The following GON4L variants were observed in gnomAD, a reference collection of about 807,000 sequenced individuals.
GON4L encodes the protein gon-4 like.
GON4L carries 87 observed loss-of-function variants against 211.8 expected under a neutral mutation model. The ratio of observed to expected loss-of-function variants is 0.41; its 90% CI spans 0.35 to 0.49. The LOEUF (loss-of-function observed/expected upper bound fraction) is 0.49. Among genes scored for constraint, GON4L ranks in the 20% least tolerant of loss-of-function variants. The pLI, the probability that GON4L is intolerant of heterozygous loss-of-function variation, is 0.15. For missense variants in GON4L, 2,155 were observed against 2,659.5 expected (o/e 0.81, Z 4.17); for synonymous variants, 875 against 962.6 (o/e 0.91, Z 1.68).
chr1:155,780,768 G>C (rs1373412396), intron 14 of GON4L, among the ~76,000 whole-genome samples: 1 of 152,066 alleles, frequency 6.6e-6, no homozygotes, highest in East Asian at 1.9e-4. Flanking sequence ...AAGTGATTAA[G>C]CACGTGCTGA....
rs376193653 is a variant in GON4L, at chr1:155,760,542, G to A, written c.5011C>T (p.Leu1671Phe). The A allele has an allele frequency of 1.9e-6, 3 of 1,612,570 alleles. No homozygotes were observed. Among genetic ancestry groups the A allele is most frequent in the Admixed American group, 3.3e-5 (2 of 60,002 alleles). The change falls in exon 24 of 32, where the codon CTC (leucine) becomes TTC (phenylalanine). Residue 1671 changes from leucine (L) to phenylalanine (F), a missense_variant. Leu to Phe is a conservative substitution (Grantham distance 22, BLOSUM62 0). Transcript: ENST00000368331. ...AGCAGAATTTGCAGGCTTTTGTAGA[G>A]ATCTACAGCCGTCCGTCTCTGGGTA... ...SSTQRRTAVDLYKSLQILLQD... is the reference protein window; with the variant it reads ...SSTQRRTAVDFYKSLQILLQD...
intron 19 of GON4L, 126 bp downstream of exon 19, chr1:155,770,941 C>G (rs1467579987): frequency 3.8e-6 from 5 of 1,316,466 alleles, no homozygotes; most frequent in East Asian, 4.6e-5. Context: ...GGGAATTAAT[C>G]TAGTGTAAAG....
At chr1:155,747,741 T>C (rs1222789506), downstream of GON4L, 2 of 1,613,850 alleles carry the variant, frequency 1.2e-6, no homozygotes, top group Admixed American at 1.7e-5. Context: ...TAACTATCTT[T>C]CGTCACTCAC....
chr1:155,854,142 GTGTT>G (rs1672059298), intron 1 of GON4L, among the ~76,000 whole-genome samples: 1 of 151,302 alleles, frequency 6.6e-6, no homozygotes, highest in Admixed American at 6.6e-5. Context: ...GTTTATTTTT[GTGTT>G]TTTTTGTTTT....
chr1:155,812,457 GA>G (rs893779402), intron 10 of GON4L, among the ~76,000 whole-genome samples: 6 of 151,110 alleles, frequency 4.0e-5, no homozygotes, highest in Admixed American at 6.6e-5. Flanking sequence ...GCTGAATAGG[GA>G]AAAAAAAATT....
chr1:155,775,011 T>C lies in GON4L; in HGVS notation c.2341A>G (p.Lys781Glu), dbSNP rs1209009820. 2 of 1,611,378 alleles carry C rather than the reference T, an allele frequency of 1.2e-6. No individual in the cohort carries two copies. Among genetic ancestry groups the C allele is most frequent in the African/African-American group, 2.7e-5 (2 of 74,870 alleles). The change falls in exon 17 of 32, where the codon AAG becomes GAG. Residue 781 changes from lysine (K) to glutamate (E), a missense_variant. Lys to Glu is a moderately conservative substitution (Grantham distance 56). Around this residue, in one of 6 missense-constraint regions of GON4L, gnomAD observed 551 missense variants for 854.0 expected, o/e 0.65. Coordinates refer to ENST00000368331, the MANE Select transcript of GON4L (RefSeq NM_001282860.2). ...CACATCTGTCTCCTACCAGTCTTCT[T>C]GACAGTTTTATGAGGGCTGCAGTCA... ...SIDCSPHKTV[K>E]KTANEFPCLP...
chr1:155,786,203 G>C (rs913006543), intron 12 of GON4L, among the ~76,000 whole-genome samples: 3 of 152,126 alleles, frequency 2.0e-5, no homozygotes, highest in African/African-American at 4.8e-5. Flanking sequence ...GAGAGATAGA[G>C]AGAGAGAGTT....
chr1:155,853,276 C>T lies in GON4L; in HGVS notation c.505G>A (p.Gly169Arg), dbSNP rs1290546501. The T allele has an allele frequency of 1.2e-6, 2 of 1,612,956 alleles. No homozygotes were observed. ...AACCTAGAGACCTTGTATACCTTAC[C>T]TCCTTCTTCCTTGACTTCTTCACTA... ...EPSEEVKEEG[G>R]KPQMNSEGEI... is the part of the protein sequence containing the mutation. The change falls in exon 2 of 32, where the codon GGG (glycine) becomes AGG (arginine). Residue 169 changes from glycine (G) to arginine (R), a missense_variant and splice_region_variant. By Grantham distance (125) the Gly-to-Arg change is moderately radical (BLOSUM62 -2). Coordinates refer to ENST00000368331, the MANE Select transcript of GON4L (RefSeq NM_001282860.2).
intron 11 of GON4L, among the ~76,000 whole-genome samples, chr1:155,798,276 A>G (rs1666276140): frequency 6.6e-6 from 1 of 151,348 alleles, no homozygotes; most frequent in South Asian, 2.1e-4. Flanking sequence ...ATAACTAATT[A>G]TCAAATCTTT....
Position 155,765,044 on chromosome 1 carries a change from A to T in GON4L, c.4429T>A (p.Ser1477Thr), listed in dbSNP as rs1423590328. 1.2e-6 allele frequency: 2 copies of T among 1,614,156 alleles called. No homozygotes were observed. The highest frequency in any genetic ancestry group is 1.7e-6 in the Non-Finnish European group (2 of 1,179,998). Reference protein sequence around the residue: ...DLTQDEEDEMSSASEESVLSV... With the variant: ...DLTQDEEDEMTSASEESVLSV... The stretch of plus-strand genomic sequence containing the variant: ...AGCACAGATTCCTCAGAAGCTGATG[A>T]CATTTCATCTTCCTCATCTTGGGTG... Residue 1477 changes from serine to threonine, a missense_variant, in exon 21 of 32, where the codon TCA becomes ACA. By Grantham distance (58) the Ser-to-Thr change is moderately conservative (BLOSUM62 1). Coordinates refer to ENST00000368331, the MANE Select transcript of GON4L (RefSeq NM_001282860.2).
chr1:155,808,286 G>A (rs554145496), intron 10 of GON4L, among the ~76,000 whole-genome samples: 20 of 152,114 alleles, frequency 1.3e-4, no homozygotes, highest in African/African-American at 3.1e-4. Flanking sequence ...TGATCCACCC[G>A]CCTCGGCCTC....
intron 25 of GON4L, 92 bp from the exon 26 acceptor site, chr1:155,757,415 TC>T: frequency 8.6e-7 from 1 of 1,165,786 alleles, no homozygotes; most frequent in Non-Finnish European, 1.2e-6. Context: ...TGTTCTGCTT[TC>T]CCAGTCAACT....
chr1:155,790,708 G>A (rs1665451748), intron 12 of GON4L, among the ~76,000 whole-genome samples: 1 of 151,994 alleles, frequency 6.6e-6, no homozygotes. Flanking sequence ...CACTTTGGGA[G>A]GCCGAGGTGG....
intron 10 of GON4L, among the ~76,000 whole-genome samples, chr1:155,807,703 CAAAAAAAA>C (rs61248477): frequency 9.5e-5 from 5 of 52,910 alleles, no homozygotes; most frequent in East Asian, 7.2e-4. Context: ...GACTCCGTCT[CAAAAAAAA>C]AAAAAAAAAA....
chr1:155,831,588 A>ATCATTTAAGCAGGATC (rs1669777904), intron 2 of GON4L: 1 of 152,078 alleles, frequency 6.6e-6, no homozygotes, highest in Admixed American at 6.6e-5. Context: ...TAAGGCCAGG[A>ATCATTTAAGCAGGATC]ATTGTAGGTT....
chr1:155,757,104 A>C (rs1661268779), intron 26 of GON4L, 27 bp from the exon 27 acceptor site: 1 of 1,613,952 alleles, frequency 6.2e-7, no homozygotes, highest in Admixed American at 1.7e-5. Flanking sequence ...GCTGCTGAGC[A>C]CAGACACCAG....
chr1:155,775,253 G>A, intron 16 of GON4L, 80 bp from the exon 17 acceptor site: 1 of 1,569,872 alleles, frequency 6.4e-7, no homozygotes, highest in Admixed American at 1.7e-5. Flanking sequence ...TAAATGAGAA[G>A]CTGACCTTCC....
intron 12 of GON4L, among the ~76,000 whole-genome samples, chr1:155,792,673 G>T (rs1181799074): frequency 6.6e-6 from 1 of 152,214 alleles, no homozygotes; most frequent in Admixed American, 6.5e-5. Flanking sequence ...TATATTCCAG[G>T]ATGATAGCTG....
chr1:155,776,992 A>ACT (rs1663882779), intron 15 of GON4L, among the ~76,000 whole-genome samples: 1 of 152,226 alleles, frequency 6.6e-6, no homozygotes, highest in African/African-American at 2.4e-5. Context: ...AACCAGAGGA[A>ACT]GCTTAACCTC....
Sources: allele counts gnomAD v4.1 joint callset (sites outside exome capture counted in the v4.1 genomes callset), GRCh38; gene constraint gnomAD v4.1.1; regional missense constraint gnomAD v4.1.1; transcripts MANE v1.5; gene names NCBI Gene and HGNC (gene_info 2026-07-23, HGNC 2026-07-21).